The following RRP15 variants were observed in gnomAD, a reference collection of about 807,000 sequenced individuals.
The protein encoded by RRP15 is RRP15-like protein.
A neutral mutation model predicts 27.1 loss-of-function variants in RRP15; 18 were observed. The observed-to-expected ratio is 0.66, with a 90% CI of 0.46 to 0.98. The LOEUF (loss-of-function observed/expected upper bound fraction) is 0.98, where lower values mean the gene tolerates loss of function less well. RRP15 is among the 50% of genes least tolerant of loss of function. The pLI is 0.00. For synonymous variants in RRP15, 107 were observed against 109.4 expected (o/e 0.98, Z 0.14); for missense variants, 359 against 337.8 (o/e 1.06, Z -0.49).
At chr1:218,303,848 T>C (rs1655851987) in intron 2 of RRP15, among the ~76,000 whole-genome samples, 1 of 152,220 alleles carries the variant, frequency 6.6e-6, no homozygotes, top group Non-Finnish European at 1.5e-5. Flanking sequence ...AATTTAACTA[T>C]TATGGTTTTC....
At chr1:218,314,574 C>G (rs762500706) in intron 4 of RRP15, among the ~76,000 whole-genome samples, 5 of 152,194 alleles carry the variant, frequency 3.3e-5, no homozygotes, top group East Asian at 1.9e-4. Flanking sequence ...TCTTGAATTA[C>G]AGACTTTCTA....
intron 4 of RRP15, among the ~76,000 whole-genome samples, chr1:218,321,544 T>A (rs2102512366): frequency 6.6e-6 from 1 of 152,348 alleles, no homozygotes; most frequent in Non-Finnish European, 1.5e-5. Context: ...CTTATAGCTA[T>A]AACCAGTTAA....
chr1:218,299,278 TAAA>T (rs1248639933), intron 1 of RRP15, among the ~76,000 whole-genome samples: 22 of 152,144 alleles, frequency 1.4e-4, no homozygotes, highest in Non-Finnish European at 2.5e-4. Context: ...AAGAAAATAA[TAAA>T]ATAAAACCAT....
chr1:218,323,833 C>T (rs1656227611), intron 4 of RRP15, among the ~76,000 whole-genome samples: 1 of 152,184 alleles, frequency 6.6e-6, no homozygotes, highest in Non-Finnish European at 1.5e-5. Flanking sequence ...GTAACAGTGC[C>T]CGGGTTCCGC....
At chr1:218,285,677 T>C (rs564177763) in intron 1 of RRP15, among the ~76,000 whole-genome samples, 2 of 152,146 alleles carry the variant, frequency 1.3e-5, no homozygotes, top group African/African-American at 4.8e-5. Flanking sequence ...TTACTAGGTA[T>C]TTTCAGGGTC....
chr1:218,330,108 G>A (rs1042137421), intron 4 of RRP15, among the ~76,000 whole-genome samples: 3 of 152,026 alleles, frequency 2.0e-5, no homozygotes, highest in African/African-American at 4.8e-5. Flanking sequence ...CAGGAACTTC[G>A]TTTTGTTCAT....
chr1:218,285,454 A>T lies in RRP15; in HGVS notation c.138A>T (p.Glu46Asp), dbSNP rs766963760. 6.2e-7 allele frequency: 1 copy of T among 1,614,130 alleles called. No individual in the cohort carries two copies. Among genetic ancestry groups the T allele is most frequent in the South Asian group, 1.1e-5 (1 of 91,078 alleles). Reference protein sequence around the residue: ...EDEATDTSDSEGSCGSEKDHF... With the variant: ...EDEATDTSDSDGSCGSEKDHF... The stretch of plus-strand genomic sequence containing the variant: ...AGGCCACAGACACTTCTGATAGTGA[A>T]GGTAATGTGGTAGGGCTGAGCTTTG... Residue 46 changes from glutamate (E) to aspartate (D), a missense_variant and splice_region_variant, in exon 1 of 5, where the codon GAA becomes GAT. Glu to Asp is a conservative substitution (Grantham distance 45). Coordinates refer to ENST00000366932, the MANE Select transcript of RRP15 (RefSeq NM_016052.4).
chr1:218,325,938 G>T (rs1656265572), intron 4 of RRP15, among the ~76,000 whole-genome samples: 1 of 151,904 alleles, frequency 6.6e-6, no homozygotes, highest in Non-Finnish European at 1.5e-5. Context: ...TTATAATGTG[G>T]TTTTTTGTTT....
chr1:218,285,496 G>A, intron 1 of RRP15, 41 bp downstream of exon 1: 1 of 1,611,360 alleles, frequency 6.2e-7, no homozygotes, highest in South Asian at 1.1e-5. Flanking sequence ...GGGAGGAAAG[G>A]CGGGGCTGAG....
chr1:218,292,428 GA>G (rs1345442005), intron 1 of RRP15, among the ~76,000 whole-genome samples: 1 of 152,092 alleles, frequency 6.6e-6, no homozygotes, highest in Non-Finnish European at 1.5e-5. Context: ...CACAGAAATG[GA>G]AAAAATGTGG....
intron 4 of RRP15, among the ~76,000 whole-genome samples, chr1:218,312,304 G>A (rs1440656488): frequency 6.9e-6 from 1 of 144,498 alleles, no homozygotes; most frequent in Admixed American, 7.0e-5. Context: ...TTTAGCCATT[G>A]AGCGGTTCAG....
chr1:218,337,720 G>A lies in RRP15; in HGVS notation c.*6629G>A, dbSNP rs1656470988. On this transcript the variant is annotated 3_prime_UTR_variant, in exon 5 of 5. Transcript: ENST00000366932. The stretch of plus-strand genomic sequence containing the variant: ...GAGAAAAATGATCCTGACATTTAAT[G>A]AGACACTAAAACAGTTTTTATTTTT... 6.6e-6 allele frequency: 1 copy of A among 152,098 alleles called. No homozygotes were observed. Among genetic ancestry groups the A allele is most frequent in the East Asian group, 1.9e-4 (1 of 5,192 alleles). 9.4% of individuals were successfully genotyped at this position (152,098 alleles called of 1,614,324 possible).
intron 1 of RRP15, among the ~76,000 whole-genome samples, chr1:218,286,356 C>G (rs942116564): frequency 1.3e-5 from 2 of 152,088 alleles, no homozygotes; most frequent in African/African-American, 4.8e-5. Context: ...TGTTTAACAC[C>G]TTAAACATGC....
rs1656414188 is a variant in RRP15 at position 218,334,082 on chromosome 1, G to C, written c.*2991G>C. On this transcript the variant is annotated 3_prime_UTR_variant, in exon 5 of 5. Transcript: ENST00000366932. The stretch of plus-strand genomic sequence containing the variant: ...TGTTCTTAGTATTTATCATAGTTTA[G>C]CATTGGTTGTTATTTTTAAGCATCA... 1 of 152,000 alleles carries C rather than the reference G, an allele frequency of 6.6e-6. No individual in the cohort carries two copies. The highest frequency in any genetic ancestry group is 2.4e-5 in the African/African-American group (1 of 41,378). The allele number at this position is 152,000 out of a possible 1,614,324, so 9.4% of individuals were successfully genotyped here.
rs1656363729 is a variant in RRP15 at position 218,331,266 on chromosome 1, T to G, written c.*175T>G. 1 of 468,710 alleles carries G rather than the reference T, an allele frequency of 2.1e-6. No homozygotes were observed. 29.0% of individuals were successfully genotyped at this position (468,710 alleles called of 1,614,324 possible). ...ATATATACTTCATTAAAATTATATT[T>G]TAAACCCTTGTATAATTTTAAGCAT... On this transcript the variant is annotated 3_prime_UTR_variant, in exon 5 of 5. Transcript: ENST00000366932.
Position 218,285,444 on chromosome 1 carries a change from C to A in RRP15, c.128C>A (p.Ser43Tyr), listed in dbSNP as rs1655529807. 1 of 1,614,096 alleles carries A rather than the reference C, an allele frequency of 6.2e-7. No individual in the cohort carries two copies. Among genetic ancestry groups the A allele is most frequent in the Admixed American group, 1.7e-5 (1 of 60,006 alleles). Residue 43 changes from serine to tyrosine, a missense_variant, in exon 1 of 5, where the codon TCT becomes TAT. Coordinates refer to ENST00000366932, the MANE Select transcript of RRP15 (RefSeq NM_016052.4). ...CTGGAAGACGAGGCCACAGACACTT[C>A]TGATAGTGAAGGTAATGTGGTAGGG... is the stretch of plus-strand genomic sequence containing the variant. ...SVLEDEATDT[S>Y]DSEGSCGSEK...
chr1:218,298,546 C>A (rs990708284), intron 1 of RRP15, among the ~76,000 whole-genome samples: 12 of 152,072 alleles, frequency 7.9e-5, no homozygotes, highest in Non-Finnish European at 1.5e-4. Flanking sequence ...CACTTTCCTG[C>A]CAGCAGCTAA....
Position 218,333,517 on chromosome 1 carries a change from G to C in RRP15, c.*2426G>C, listed in dbSNP as rs1300688519. 1 of 152,044 alleles carries C rather than the reference G, an allele frequency of 6.6e-6. No individual in the cohort carries two copies. The highest frequency in any genetic ancestry group is 2.4e-5 in the African/African-American group (1 of 41,380). 9.4% of individuals were successfully genotyped at this position (152,044 alleles called of 1,614,324 possible). A position where few individuals can be genotyped will look rare whatever the true frequency, so the allele number is the denominator to read the frequency against. On this transcript the variant is annotated 3_prime_UTR_variant, in exon 5 of 5. Transcript: ENST00000366932. Reference sequence around the variant, plus strand: ...TTGTGGTTTTTGTTTGTTTGTTTTTGAGACGGTCTCACACTGTCACCCAGG... The same window carrying C: ...TTGTGGTTTTTGTTTGTTTGTTTTTCAGACGGTCTCACACTGTCACCCAGG...
chr1:218,330,755 CTTTA>C (rs1436586106), intron 4 of RRP15, among the ~76,000 whole-genome samples, 189 bp from the exon 5 acceptor site: 1 of 151,560 alleles, frequency 6.6e-6, no homozygotes. Context: ...ATGTTTAGTT[CTTTA>C]TTATACATTT....
Sources: gnomAD v4.1 joint callset for allele counts (sites outside exome capture counted in the v4.1 genomes callset) on GRCh38, gnomAD v4.1.1 for gene constraint, MANE v1.5 for transcripts, NCBI Gene and HGNC (gene_info 2026-07-23, HGNC 2026-07-21) for gene names.